Variants in WLS observed in about 807,000 individuals in gnomAD.
WLS encodes protein wntless homolog.
Under a neutral mutation model 62.8 loss-of-function variants are expected in WLS, and 23 were observed. The observed-to-expected ratio is 0.37, with a 90% CI of 0.26 to 0.52. WLS has a LOEUF of 0.52. WLS is among the 20% of genes least tolerant of loss of function. WLS has a pLI of 0.92. For missense variants in WLS, 615 were observed against 697.3 expected, an observed-to-expected ratio of 0.88 and a Z score of 1.33; for synonymous variants, 246 against 244.1, an observed-to-expected ratio of 1.01 and a Z score of -0.07.
intron 1 of WLS, among the ~76,000 whole-genome samples, chr1:68,214,296 G>A (rs1649642752): frequency 6.6e-6 from 1 of 151,896 alleles, no homozygotes; most frequent in Non-Finnish European, 1.5e-5. Context: ...TGTTACAGAG[G>A]ACTTATTTCA....
chr1:68,179,533 T>G (rs1647428957), intron 2 of WLS, among the ~76,000 whole-genome samples: 1 of 152,142 alleles, frequency 6.6e-6, no homozygotes, highest in Non-Finnish European at 1.5e-5. Context: ...AAATAAACGT[T>G]GTCTTAATTA....
At chr1:68,118,875 CAAAAAAAA>C (rs33982774) in intron 11 of WLS, among the ~76,000 whole-genome samples, 4 of 26,382 alleles carry the variant, frequency 1.5e-4, no homozygotes, top group Non-Finnish European at 2.1e-4. Flanking sequence ...GACTCTGTCT[CAAAAAAAA>C]AAAAAAAAAA....
intron 11 of WLS, among the ~76,000 whole-genome samples, chr1:68,130,072 G>A (rs1646496166): frequency 6.6e-6 from 1 of 152,186 alleles, no homozygotes; most frequent in South Asian, 2.1e-4. Flanking sequence ...ATCCACAGGT[G>A]TGTAAGCGGC....
intron 11 of WLS, among the ~76,000 whole-genome samples, chr1:68,126,840 T>A (rs1428222296): frequency 1.3e-5 from 2 of 152,112 alleles, no homozygotes; most frequent in African/African-American, 4.8e-5. Flanking sequence ...TAAACCAGCA[T>A]AACACCCCTC....
intron 11 of WLS, chr1:68,117,432 T>C (rs1369733480): frequency 6.6e-6 from 1 of 152,286 alleles, no homozygotes; most frequent in African/African-American, 2.4e-5. Context: ...TCATCACACA[T>C]GTTCTCTTTT....
chr1:68,111,669 T>C (rs939459759), intron 11 of WLS, among the ~76,000 whole-genome samples: 2 of 152,190 alleles, frequency 1.3e-5, no homozygotes, highest in Non-Finnish European at 2.9e-5. Context: ...TCTCTACACA[T>C]ACATGATGTT....
intron 3 of WLS, among the ~76,000 whole-genome samples, chr1:68,157,486 CCT>C (rs1646915425): frequency 6.6e-6 from 1 of 151,874 alleles, no homozygotes; most frequent in Non-Finnish European, 1.5e-5. Flanking sequence ...TAAGAAGATT[CCT>C]CTCTCTCCTT....
intron 2 of WLS, among the ~76,000 whole-genome samples, chr1:68,182,665 T>C (rs1477986923): frequency 7.1e-6 from 1 of 141,552 alleles, no homozygotes; most frequent in Admixed American, 6.7e-5. Flanking sequence ...ACAACTTCCG[T>C]ACCATTTACC....
intron 2 of WLS, among the ~76,000 whole-genome samples, chr1:68,171,091 C>T (rs1647146570): frequency 7.1e-6 from 1 of 140,668 alleles, no homozygotes. Flanking sequence ...CCTGCACACA[C>T]ACCCCTGAAA....
At chr1:68,184,892 A>G (rs1187320635) in intron 2 of WLS, among the ~76,000 whole-genome samples, 1 of 152,140 alleles carries the variant, frequency 6.6e-6, no homozygotes, top group Non-Finnish European at 1.5e-5. Flanking sequence ...TTGTTTTAAA[A>G]CTACCACCAT....
intron 1 of WLS, among the ~76,000 whole-genome samples, chr1:68,197,419 T>G (rs1570996652): frequency 6.6e-6 from 1 of 152,294 alleles, no homozygotes; most frequent in East Asian, 1.9e-4. Flanking sequence ...GAATCACAAT[T>G]TTTTTCACTT....
intron 2 of WLS, among the ~76,000 whole-genome samples, chr1:68,164,027 C>T (rs749715974): frequency 2.6e-5 from 4 of 152,118 alleles, no homozygotes; most frequent in Non-Finnish European, 4.4e-5. Flanking sequence ...AGAGATGATC[C>T]ATGGAAGAAG....
rs535536991 is a variant in WLS, at chr1:68,193,200, T to C, written c.379+755A>G. Among the ~76,000 whole-genome samples, 11 of 151,626 alleles carry C rather than the reference T, an allele frequency of 7.3e-5. No homozygotes were observed. The South Asian group carries it at 2.3e-3, about 32-fold the overall frequency. On this transcript the variant is annotated intron_variant, in intron 2 of 11. Coordinates refer to ENST00000262348, the MANE Select transcript of WLS (RefSeq NM_024911.7). Reference sequence around the variant, plus strand: ...CAGAGCTGCCTTTAACACATCTTTTTCCCTTTCCCTCACATCCTTGATCCC... The same window carrying C: ...CAGAGCTGCCTTTAACACATCTTTTCCCCTTTCCCTCACATCCTTGATCCC...
rs537293769 is a variant in WLS, at chr1:68,100,512, T to C, written c.1511-1759A>G. Among the ~76,000 whole-genome samples, 9 of 152,286 alleles carry C rather than the reference T, an allele frequency of 5.9e-5. No individual in the cohort carries two copies. The East Asian group carries it at 1.7e-3, about 29-fold the overall frequency. ...ACACATAGTAGAGTTCCTTTAAATA[T>C]AGTAAATCTTCAACTTTGAGGAAGA... On this transcript the variant is annotated intron_variant, in intron 11 of 11. Transcript: ENST00000354777.
At chr1:68,195,330 T>A (rs577320054) in intron 1 of WLS, among the ~76,000 whole-genome samples, 1 of 152,322 alleles carries the variant, frequency 6.6e-6, no homozygotes, top group African/African-American at 2.4e-5. Context: ...TTACTAAGCC[T>A]ATCTCTGTAT....
chr1:68,174,056 T>C (rs1453257552), intron 2 of WLS, among the ~76,000 whole-genome samples: 1 of 152,162 alleles, frequency 6.6e-6, no homozygotes, highest in Non-Finnish European at 1.5e-5. Flanking sequence ...TCTGTTTTCC[T>C]CCTCAGTCTG....
chr1:68,197,467 T>C (rs1648733902), intron 1 of WLS, among the ~76,000 whole-genome samples: 9 of 152,192 alleles, frequency 5.9e-5, no homozygotes, highest in Admixed American at 5.9e-4. Flanking sequence ...ATGCTTTCCA[T>C]AACTTCAAAA....
At chr1:68,200,267 A>C (rs1443326608) in intron 1 of WLS, among the ~76,000 whole-genome samples, 3 of 152,204 alleles carry the variant, frequency 2.0e-5, no homozygotes, top group African/African-American at 7.2e-5. Context: ...CTGACTTGAG[A>C]CATTGATTTA....
At chr1:68,110,994 T>C (rs930491668) in intron 11 of WLS, among the ~76,000 whole-genome samples, 6 of 152,150 alleles carry the variant, frequency 3.9e-5, no homozygotes, top group African/African-American at 1.4e-4. Flanking sequence ...AAGAATTTTT[T>C]TGAAAGACAC....
Sources: gnomAD v4.1 joint callset for allele counts (sites outside exome capture counted in the v4.1 genomes callset) on GRCh38, gnomAD v4.1.1 for gene constraint, MANE v1.5 for transcripts, NCBI Gene and HGNC (gene_info 2026-07-23, HGNC 2026-07-21) for gene names.